COA1: variants seen among roughly 807,000 people sequenced by gnomAD.
COA1 encodes cytochrome c oxidase assembly factor 1.
In COA1, 13 loss-of-function variants were observed where a neutral mutation model predicts 16.0. That is an observed-to-expected ratio of 0.81 (90% CI 0.53 to 1.29). The LOEUF is 1.29. Among genes scored for constraint, COA1 ranks in the 50% most tolerant of loss-of-function variants. The probability of loss-of-function intolerance (pLI) is 0.00; values close to 1 mark genes in which losing one functional copy is unlikely to be tolerated. For synonymous variants in COA1, 65 were observed against 65.7 expected (o/e 0.99, Z 0.05); for missense variants, 179 against 177.0 (o/e 1.01, Z -0.06).
chr7:43,683,442 C>G (rs918270652), intron 1 of COA1, among the ~76,000 whole-genome samples: 23 of 151,970 alleles, frequency 1.5e-4, no homozygotes, highest in African/African-American at 5.1e-4. Flanking sequence ...ACCATCCTGG[C>G]TAACACGGTG....
At chr7:43,720,414 T>A (rs1255148919) in intron 1 of COA1, among the ~76,000 whole-genome samples, 1 of 152,182 alleles carries the variant, frequency 6.6e-6, no homozygotes, top group Non-Finnish European at 1.5e-5. Flanking sequence ...AAGGATAAAA[T>A]CAACATGGTC....
At chr7:43,648,718 C>T (rs1676131892) in intron 1 of COA1, 66 bp from the exon 2 acceptor site, 3 of 1,173,676 alleles carry the variant, frequency 2.6e-6, no homozygotes, top group East Asian at 2.4e-5. Context: ...TAGTCTCATA[C>T]AGCCAAGATT....
In COA1 at chr7:43,648,634, T is replaced by C. The variant is rs1239563950; in HGVS notation, c.-20A>G. 1 of 1,611,952 alleles carries C rather than the reference T, an allele frequency of 6.2e-7. No individual in the cohort carries two copies. The highest frequency in any genetic ancestry group is 8.5e-7 in the Non-Finnish European group (1 of 1,179,258). On this transcript the variant is annotated 5_prime_UTR_variant, in exon 2 of 6. Transcript: ENST00000223336. ...CATCATAGCACAACTCTCTTGAAAA[T>C]CATCAAAGGCAAGTTGTCCTGCAAT...
chr7:43,722,745 C>G (rs553344307), intron 1 of COA1, among the ~76,000 whole-genome samples: 3 of 152,300 alleles, frequency 2.0e-5, no homozygotes, highest in Non-Finnish European at 4.4e-5. Flanking sequence ...CCTCAAAAAG[C>G]TGGTGCATAA....
At chr7:43,643,456 A>G (rs2087748704) in intron 4 of COA1, among the ~76,000 whole-genome samples, 1 of 152,066 alleles carries the variant, frequency 6.6e-6, no homozygotes, top group Non-Finnish European at 1.5e-5. Flanking sequence ...CCGCCACACC[A>G]TGGGAGCAAT....
chr7:43,685,098 A>G (rs1335727865), intron 1 of COA1, among the ~76,000 whole-genome samples: 1 of 151,584 alleles, frequency 6.6e-6, no homozygotes, highest in African/African-American at 2.4e-5. Context: ...GCAGTGATTC[A>G]TAATTGCACC....
At chr7:43,669,821 C>T (rs1050143034) in intron 1 of COA1, among the ~76,000 whole-genome samples, 1 of 151,690 alleles carries the variant, frequency 6.6e-6, no homozygotes, top group Non-Finnish European at 1.5e-5. Context: ...CCAGGACTTG[C>T]CCAGGTTTCT....
At chr7:43,660,156 C>T (rs958429426) in intron 1 of COA1, among the ~76,000 whole-genome samples, 1 of 152,146 alleles carries the variant, frequency 6.6e-6, no homozygotes, top group African/African-American at 2.4e-5. Context: ...CAAATTGATA[C>T]ACTCTATATA....
chr7:43,658,702 C>G (rs1236267729), intron 1 of COA1: 1 of 152,124 alleles, frequency 6.6e-6, no homozygotes, highest in Non-Finnish European at 1.5e-5. Context: ...AAATAAATAT[C>G]ATGACATACT....
intron 1 of COA1, among the ~76,000 whole-genome samples, chr7:43,672,306 C>T (rs1033634087): frequency 6.6e-6 from 1 of 152,174 alleles, no homozygotes; most frequent in African/African-American, 2.4e-5. Context: ...AGCAGCACAT[C>T]CAAAGCTAAC....
At chr7:43,664,130 A>AGAGAGAGAGAGAGAGAGAGAGAGAGAGT (rs1307866265) in intron 1 of COA1, among the ~76,000 whole-genome samples, 9 of 148,500 alleles carry the variant, frequency 6.1e-5, no homozygotes, top group African/African-American at 2.2e-4. Context: ...AGAGAGAGAG[A>AGAGAGAGAGAGAGAGAGAGAGAGAGAGT]GTCTTGCTAT....
chr7:43,700,373 A>G (rs1382512753), intron 1 of COA1, among the ~76,000 whole-genome samples: 3 of 152,032 alleles, frequency 2.0e-5, no homozygotes, highest in African/African-American at 7.2e-5. Flanking sequence ...CAAAAGAACA[A>G]AAAAAGAAAG....
At chr7:43,634,347 T>C (rs891335552), downstream of COA1, among the ~76,000 whole-genome samples, 2 of 152,188 alleles carry the variant, frequency 1.3e-5, no homozygotes, top group African/African-American at 4.8e-5. Context: ...CCCAAGTGGG[T>C]GACGGGGGCA....
chr7:43,676,929 AAAATAATAG>A (rs2093551592), intron 1 of COA1, among the ~76,000 whole-genome samples: 1 of 152,216 alleles, frequency 6.6e-6, no homozygotes, highest in Non-Finnish European at 1.5e-5. Flanking sequence ...CTACACTCTT[AAAATAATAG>A]AGGTACAGTA....
chr7:43,664,079 A>G (rs2092691856), intron 1 of COA1, among the ~76,000 whole-genome samples: 1 of 122,186 alleles, frequency 8.2e-6, no homozygotes, highest in Non-Finnish European at 1.7e-5. Context: ...TAAAAAATGG[A>G]ATCATTTAGT....
At chr7:43,678,104 A>C (rs2093616647) in intron 1 of COA1, among the ~76,000 whole-genome samples, 1 of 152,222 alleles carries the variant, frequency 6.6e-6, no homozygotes, top group Non-Finnish European at 1.5e-5. Context: ...TACTAATAAC[A>C]GTGAGTTGGG....
chr7:43,701,571 G>A (rs1372540095), intron 1 of COA1, among the ~76,000 whole-genome samples: 2 of 152,170 alleles, frequency 1.3e-5, no homozygotes, highest in African/African-American at 4.8e-5. Flanking sequence ...TGCAATAAAT[G>A]TACAAATGTA....
At chr7:43,641,330 A>AC (rs2087026625) in intron 4 of COA1, 1 of 151,644 alleles carries the variant, frequency 6.6e-6, no homozygotes, top group African/African-American at 2.4e-5. Context: ...AAAAAAAAAA[A>AC]AAACCAGGAA....
intron 1 of COA1, among the ~76,000 whole-genome samples, chr7:43,685,857 T>A (rs2130728133): frequency 6.6e-6 from 1 of 152,326 alleles, no homozygotes; most frequent in East Asian, 1.9e-4. Flanking sequence ...CAAACACTAC[T>A]GTAAACACCT....
Sources: gnomAD v4.1 joint callset for allele counts (sites outside exome capture counted in the v4.1 genomes callset) on GRCh38, gnomAD v4.1.1 for gene constraint, MANE v1.5 for transcripts, NCBI Gene and HGNC (gene_info 2026-07-23, HGNC 2026-07-21) for gene names.